The following KCNQ4 variants were observed in gnomAD, a reference collection of about 807,000 sequenced individuals.
KCNQ4 encodes the protein potassium voltage-gated channel subfamily Q member 4, also known as potassium voltage-gated channel subfamily KQT member 4.
In KCNQ4, 31 loss-of-function variants were observed where a neutral mutation model predicts 72.6. The ratio of observed to expected loss-of-function variants is 0.43; its 90% confidence interval spans 0.32 to 0.58. The LOEUF (loss-of-function observed/expected upper bound fraction) is 0.58. KCNQ4 is among the 20% of genes least tolerant of loss of function. KCNQ4 has a pLI of 0.08. For missense variants in KCNQ4, 869 were observed against 962.6 expected (o/e 0.90, Z 1.29); for synonymous variants, 405 against 403.7 (o/e 1.00, Z -0.04).
intron 9 of KCNQ4, among the ~76,000 whole-genome samples, chr1:40,830,303 A>T (rs1015381279): frequency 1.3e-5 from 2 of 152,112 alleles, no homozygotes; most frequent in African/African-American, 4.8e-5. Flanking sequence ...AGCTAGAACC[A>T]TGGGGCCGAG....
Position 40,833,017 on chromosome 1 carries a change from C to A in KCNQ4, c.1517C>A (p.Ala506Asp). 6.2e-7 allele frequency: 1 copy of A among 1,612,354 alleles called. No homozygotes were observed. Among genetic ancestry groups the A allele is most frequent in the Non-Finnish European group, 8.5e-7 (1 of 1,178,936 alleles). ...RLKPRTSAED[A>D]PSEEVAEEKS... ...TGCCCCATACCTGCCTTTTCAGATG[C>A]CCCCTCAGAGGAAGTAGCAGAGGAG... is the stretch of plus-strand genomic sequence containing the variant. Residue 506 changes from alanine to aspartate, a missense_variant, in exon 11 of 14, where the codon GCC (alanine) becomes GAC (aspartate). By Grantham distance (126) the Ala-to-Asp change is moderately radical. Coordinates refer to ENST00000347132, the MANE Select transcript of KCNQ4 (RefSeq NM_004700.4).
chr1:40,784,624 A>G lies in KCNQ4; in HGVS notation c.314+217A>G, dbSNP rs1430562535. ...TGACCCCTGCTTGACCTCGCTTCTGACCTCCCCGCACCGCAACTGCTTATT... is the reference window on the plus strand; with the variant it reads ...TGACCCCTGCTTGACCTCGCTTCTGGCCTCCCCGCACCGCAACTGCTTATT... On this transcript the variant is annotated intron_variant, in intron 1 of 13. Coordinates refer to ENST00000347132, the MANE Select transcript of KCNQ4 (RefSeq NM_004700.4). This position sits in a 1 kb window ranked among gnomAD's most constrained non-coding sequence, Gnocchi z 4.1. Among the ~76,000 whole-genome samples the G allele has an allele frequency of 6.7e-6, 1 of 149,858 alleles. No homozygotes were observed. The highest frequency in any genetic ancestry group is 2.5e-5 in the African/African-American group (1 of 40,520).
intron 1 of KCNQ4, among the ~76,000 whole-genome samples, chr1:40,816,488 CCTT>C (rs1214830780): frequency 6.6e-6 from 1 of 152,196 alleles, no homozygotes; most frequent in Non-Finnish European, 1.5e-5. Context: ...AAGGGTGAGT[CCTT>C]CTTCCTCTTC....
Position 40,784,469 on chromosome 1 carries a change from G to C in KCNQ4, c.314+62G>C. The C allele has an allele frequency of 1.3e-6, 2 of 1,516,384 alleles. No individual in the cohort carries two copies. The highest frequency in any genetic ancestry group is 9.0e-7 in the Non-Finnish European group (1 of 1,105,524). The allele number at this position is 1,516,384 out of a possible 1,614,324, so 93.9% of individuals were successfully genotyped here. On this transcript the variant is annotated intron_variant, in intron 1 of 13. Transcript: ENST00000347132. The surrounding 1 kb of genome is among the most constrained non-coding windows in gnomAD (Gnocchi z 4.1). ...GCGCAAGCCTGGCCTCCCGGGGCAC[G>C]GCCGCCCCGCCCTGGCTCCGCCTTC...
chr1:40,820,455 T>C (rs1648253237), intron 7 of KCNQ4, among the ~76,000 whole-genome samples, 195 bp downstream of exon 7: 1 of 152,068 alleles, frequency 6.6e-6, no homozygotes, highest in Admixed American at 6.5e-5. Context: ...GCCAGAAACT[T>C]CCCCCTGCAC....
At position 40,788,177 on chromosome 1, in the gene KCNQ4, C is replaced by T. The variant is rs141421918; in HGVS notation, c.314+3770C>T. Among the ~76,000 whole-genome samples the T allele has an allele frequency of 1.1e-4, 16 of 152,268 alleles. No individual in the cohort carries two copies. The highest frequency in any genetic ancestry group is 3.9e-4 in the African/African-American group (16 of 41,538). On this transcript the variant is annotated intron_variant, in intron 1 of 13. Transcript: ENST00000347132. The surrounding 1 kb of genome is among the most constrained non-coding windows in gnomAD (Gnocchi z 4.5). ...GGAAATCATCCCAGCAAAGTGTCCT[C>T]AGAACCCTCAGGCATCCCCGCTAGG...
At chr1:40,831,356 G>A (rs766178931) in intron 10 of KCNQ4, 52 bp downstream of exon 10, 5 of 1,464,374 alleles carry the variant, frequency 3.4e-6, no homozygotes, top group Non-Finnish European at 3.7e-6. Flanking sequence ...GGGTGGCAGG[G>A]CGGGGACAGT....
At chr1:40,832,002 G>A (rs931874470) in intron 10 of KCNQ4, among the ~76,000 whole-genome samples, 2 of 152,224 alleles carry the variant, frequency 1.3e-5, no homozygotes, top group Non-Finnish European at 2.9e-5. Context: ...TCTTCACCCA[G>A]CCCAGGCTGC....
rs1647224293 is a variant in KCNQ4 at position 40,788,268 on chromosome 1, A to G, written c.314+3861A>G. On this transcript the variant is annotated intron_variant, in intron 1 of 13. Transcript: ENST00000347132. This position sits in a 1 kb window ranked among gnomAD's most constrained non-coding sequence, Gnocchi z 4.5. ...AAGAAAACTGAGGCTCTGGAGACCA[A>G]AGTCACCTGGGAAATGAGTAGCAGA... Among the ~76,000 whole-genome samples the G allele has an allele frequency of 6.6e-6, 1 of 152,162 alleles. No homozygotes were observed. The highest frequency in any genetic ancestry group is 1.5e-5 in the Non-Finnish European group (1 of 68,014).
Position 40,838,358 on chromosome 1 carries a change from G to T in KCNQ4, c.1923G>T (p.Ser641=), listed in dbSNP as rs1648872520. 1 of 1,613,756 alleles carries T rather than the reference G, an allele frequency of 6.2e-7. No homozygotes were observed. Among genetic ancestry groups the T allele is most frequent in the African/African-American group, 1.3e-5 (1 of 74,904 alleles). Residue 641 remains serine (S), a synonymous_variant, in exon 14 of 14, where the codon TCG becomes TCT. Coordinates refer to ENST00000347132, the MANE Select transcript of KCNQ4 (RefSeq NM_004700.4). ...HKLDLLLGFY[S]RCLRSGTSAS... ...TGGACCTGCTGTTGGGCTTCTATTC[G>T]CGCTGCCTGCGCTCTGGCACCTCGG...
chr1:40,835,006 G>A lies in KCNQ4; in HGVS notation c.1653G>A (p.Glu551=). 6.2e-7 allele frequency: 1 copy of A among 1,614,088 alleles called. No individual in the cohort carries two copies. Among genetic ancestry groups the A allele is most frequent in the South Asian group, 1.1e-5 (1 of 91,086 alleles). The stretch of plus-strand genomic sequence containing the variant: ...TGGTGGCCAAAAGGAAATTCAAGGA[G>A]ACACTGCGACCGTACGACGTGAAGG... ...KFLVAKRKFK[E]TLRPYDVKDV... Residue 551 remains glutamate (E), a synonymous_variant, in exon 12 of 14, where the codon GAG becomes GAA. Coordinates refer to ENST00000347132, the MANE Select transcript of KCNQ4 (RefSeq NM_004700.4).
chr1:40,807,630 GC>G (rs1424512519), intron 1 of KCNQ4, among the ~76,000 whole-genome samples: 1 of 152,198 alleles, frequency 6.6e-6, no homozygotes. Flanking sequence ...GAGTCTGGGG[GC>G]CTCCAGGCTG....
At chr1:40,826,615 G>A (rs1034754095) in intron 9 of KCNQ4, 7 of 454,218 alleles carry the variant, frequency 1.5e-5, no homozygotes, top group Admixed American at 1.2e-4. Context: ...ACCTCTGTTC[G>A]TGTCTTATTC....
intron 1 of KCNQ4, among the ~76,000 whole-genome samples, chr1:40,791,937 C>T (rs1337883681): frequency 6.6e-6 from 1 of 151,886 alleles, no homozygotes; most frequent in African/African-American, 2.4e-5. Context: ...AACATTTACT[C>T]GAATTGTCCC....
intron 1 of KCNQ4, among the ~76,000 whole-genome samples, chr1:40,816,715 C>T (rs538014277): frequency 6.6e-6 from 1 of 152,358 alleles, no homozygotes; most frequent in Non-Finnish European, 1.5e-5. Context: ...TCTACCTGTC[C>T]TCCATGATCC....
intron 11 of KCNQ4, among the ~76,000 whole-genome samples, chr1:40,834,049 TCC>T (rs1323881809): frequency 6.6e-5 from 10 of 151,680 alleles, no homozygotes; most frequent in African/African-American, 2.4e-4. Context: ...GCTGGACCTG[TCC>T]CCACTACCCC....
At chr1:40,807,873 C>T (rs371591763) in intron 1 of KCNQ4, among the ~76,000 whole-genome samples, 18 of 152,120 alleles carry the variant, frequency 1.2e-4, no homozygotes, top group Non-Finnish European at 2.5e-4. Flanking sequence ...AAGAGTCACG[C>T]GCTCCCCAGG....
At chr1:40,800,306 C>T (rs1428149577) in intron 1 of KCNQ4, among the ~76,000 whole-genome samples, 1 of 152,150 alleles carries the variant, frequency 6.6e-6, no homozygotes, top group Non-Finnish European at 1.5e-5. Context: ...GCTGTCCCTT[C>T]CCTGCTGGAT....
intron 11 of KCNQ4, among the ~76,000 whole-genome samples, chr1:40,834,137 A>G (rs1220221136): frequency 1.3e-5 from 2 of 150,106 alleles, no homozygotes; most frequent in Non-Finnish European, 3.0e-5. Flanking sequence ...TGTCAAGGAC[A>G]TAGTACCTGA....
Sources: gnomAD v4.1 joint callset for allele counts (sites outside exome capture counted in the v4.1 genomes callset) on GRCh38, gnomAD v4.1.1 for gene constraint, Gnocchi (gnomAD v3.1) non-coding constraint, MANE v1.5 for transcripts, NCBI Gene and HGNC (gene_info 2026-07-23, HGNC 2026-07-21) for gene names.